Variants in CCNJL observed in about 807,000 individuals in gnomAD.
The protein encoded by CCNJL is cyclin J like.
Under a neutral mutation model 33.4 loss-of-function variants are expected in CCNJL, and 33 were observed. The ratio of observed to expected loss-of-function variants is 0.99; its 90% CI spans 0.75 to 1.32. The LOEUF is 1.32. Ranked by LOEUF, CCNJL falls within the 40% of genes most tolerant of loss-of-function variation. The probability of loss-of-function intolerance (pLI) is 0.00; values close to 1 mark genes in which losing one functional copy is unlikely to be tolerated. For missense variants in CCNJL, 512 were observed against 499.7 expected (o/e 1.02, Z -0.23); for synonymous variants, 227 against 220.9 (o/e 1.03, Z -0.24).
At chr5:160,287,452 G>C (rs1459057685) in intron 2 of CCNJL, among the ~76,000 whole-genome samples, 1 of 152,226 alleles carries the variant, frequency 6.6e-6, no homozygotes, top group Non-Finnish European at 1.5e-5. Flanking sequence ...ACTGGGAAAA[G>C]GGAGATTCTT....
intron 2 of CCNJL, among the ~76,000 whole-genome samples, chr5:160,286,340 G>A (rs1442458273): frequency 6.6e-6 from 1 of 152,200 alleles, no homozygotes; most frequent in Non-Finnish European, 1.5e-5. Flanking sequence ...AGACATTGGT[G>A]CATAAAAGAA....
intron 3 of CCNJL, among the ~76,000 whole-genome samples, chr5:160,279,955 C>T (rs114324656): frequency 0.01 from 1,597 of 152,318 alleles, 30 homozygotes; most frequent in African/African-American, 0.037. Flanking sequence ...GTCAAAGCTA[C>T]GCTGTGTTTT....
In CCNJL at chr5:160,311,858, C is replaced by T. The variant is rs553795677; in HGVS notation, c.66G>A (p.Lys22=). ...ASDVHCTLRE[K]ELKLPTFRAH... is the part of the protein sequence containing the mutation. Reference sequence around the variant, plus strand: ...GTGACAAGGGCAGGGAGGGACTGACCTTCTCGCGCAGGGTGCAGTGGACGT... The same window carrying T: ...GTGACAAGGGCAGGGAGGGACTGACTTTCTCGCGCAGGGTGCAGTGGACGT... The change falls in exon 2 of 6, where the codon AAG becomes AAA. Residue 22 remains lysine (K), a splice_region_variant and synonymous_variant. Transcript: ENST00000257536. 2.5e-6 allele frequency: 4 copies of T among 1,613,978 alleles called. No individual in the cohort carries two copies. The East Asian group carries it at 6.7e-5, about 27-fold the overall frequency.
intron 1 of CCNJL, among the ~76,000 whole-genome samples, chr5:160,324,620 ACTGT>A (rs112033614): frequency 4.3e-4 from 34 of 79,522 alleles, no homozygotes; most frequent in Admixed American, 1.6e-3. Flanking sequence ...CACACAAAAA[ACTGT>A]CTGTCTATCT....
intron 3 of CCNJL, among the ~76,000 whole-genome samples, chr5:160,272,498 G>T (rs1761870797): frequency 6.6e-6 from 1 of 152,246 alleles, no homozygotes; most frequent in Non-Finnish European, 1.5e-5. Context: ...AGGCAGAAAT[G>T]CAGGGCAAAG....
intron 2 of CCNJL, among the ~76,000 whole-genome samples, chr5:160,311,347 G>A (rs1473951026): frequency 6.6e-6 from 1 of 151,728 alleles, no homozygotes; most frequent in Non-Finnish European, 1.5e-5. Flanking sequence ...CACGTATTTG[G>A]CCATAACCAT....
chr5:160,288,378 T>C (rs1226888020), intron 2 of CCNJL, among the ~76,000 whole-genome samples: 1 of 152,074 alleles, frequency 6.6e-6, no homozygotes, highest in African/African-American at 2.4e-5. Flanking sequence ...TCAAAATTTA[T>C]CCCTGAGGAT....
At chr5:160,271,368 T>C (rs573577138) in intron 3 of CCNJL, among the ~76,000 whole-genome samples, 63 of 151,746 alleles carry the variant, frequency 4.2e-4, no homozygotes, top group African/African-American at 1.5e-3. Flanking sequence ...AAAATAAAAT[T>C]AAAATAAAAA....
intron 2 of CCNJL, among the ~76,000 whole-genome samples, chr5:160,297,998 C>T (rs56312428): frequency 0.096 from 14,649 of 152,206 alleles, 778 homozygotes; most frequent in South Asian, 0.2. Context: ...GTTATACCAT[C>T]ACCAACTTGG....
chr5:160,312,875 C>G (rs1460626576), upstream of CCNJL: 1 of 152,158 alleles, frequency 6.6e-6, no homozygotes, highest in Admixed American at 6.5e-5. Flanking sequence ...GTTCTGCCTT[C>G]CGCGCGCACT....
Position 160,253,138 on chromosome 5 carries a change from G to A in CCNJL, c.*240C>T. ...CCCTGTGTGGGGGGACGGCCACCAA[G>A]CCATCCTTTTGTACCCTAGCCACAC... is the stretch of plus-strand genomic sequence containing the variant. On this transcript the variant is annotated 3_prime_UTR_variant, in exon 6 of 6. Transcript: ENST00000257536. 1 of 410,712 alleles carries A rather than the reference G, an allele frequency of 2.4e-6. No individual in the cohort carries two copies. The allele number at this position is 410,712 out of a possible 1,614,324, so 25.4% of individuals were successfully genotyped here. A position where few individuals can be genotyped will look rare whatever the true frequency, so the allele number is the denominator to read the frequency against.
intron 3 of CCNJL, among the ~76,000 whole-genome samples, chr5:160,279,552 A>G (rs1197623625): frequency 1.3e-5 from 2 of 152,236 alleles, no homozygotes; most frequent in African/African-American, 2.4e-5. Context: ...TTCAAAGCAC[A>G]TGACGCTGAG....
intron 2 of CCNJL, among the ~76,000 whole-genome samples, chr5:160,304,275 G>T (rs1263108720): frequency 6.6e-6 from 1 of 152,198 alleles, no homozygotes; most frequent in East Asian, 1.9e-4. Flanking sequence ...GAATACGGGT[G>T]AAGCACTGCA....
At chr5:160,307,292 C>A (rs1478486815) in intron 2 of CCNJL, among the ~76,000 whole-genome samples, 12 of 152,158 alleles carry the variant, frequency 7.9e-5, no homozygotes, top group Admixed American at 7.9e-4. Flanking sequence ...AGCTCACAGT[C>A]TAGTGGGTAG....
At chr5:160,333,559 C>A (rs1434674579) in intron 1 of CCNJL, among the ~76,000 whole-genome samples, 1 of 151,486 alleles carries the variant, frequency 6.6e-6, no homozygotes, top group Non-Finnish European at 1.5e-5. Context: ...CCACTGCACT[C>A]CAGCCTGGGT....
intron 3 of CCNJL, among the ~76,000 whole-genome samples, chr5:160,275,922 C>T (rs989075627): frequency 6.6e-6 from 1 of 152,188 alleles, no homozygotes; most frequent in African/African-American, 2.4e-5. Context: ...GACCCATAAT[C>T]CAACCCATAG....
At chr5:160,333,450 G>C (rs570838241) in intron 1 of CCNJL, among the ~76,000 whole-genome samples, 13 of 151,998 alleles carry the variant, frequency 8.6e-5, no homozygotes, top group African/African-American at 3.1e-4. Context: ...AAGTAGCCAG[G>C]CATGGCAGTG....
intron 3 of CCNJL, 63 bp from the exon 4 acceptor site, chr5:160,259,834 C>G (rs76520014): frequency 2.8e-6 from 4 of 1,407,494 alleles, no homozygotes; most frequent in Non-Finnish European, 3.9e-6. Flanking sequence ...AGGAAGCTAA[C>G]GGCCCACCTT....
At chr5:160,284,391 T>C (rs1279801479) in intron 2 of CCNJL, among the ~76,000 whole-genome samples, 2 of 152,020 alleles carry the variant, frequency 1.3e-5, no homozygotes, top group African/African-American at 4.8e-5. Context: ...TTTTATGATA[T>C]GTGAATTGTT....
Sources: gnomAD v4.1 joint callset for allele counts (sites outside exome capture counted in the v4.1 genomes callset) on GRCh38, gnomAD v4.1.1 for gene constraint, MANE v1.5 for transcripts, NCBI Gene and HGNC (gene_info 2026-07-23, HGNC 2026-07-21) for gene names.